MGAT4C: variants seen among roughly 807,000 people sequenced by gnomAD.
MGAT4C encodes MGAT4 family member C, also known as alpha-1,3-mannosyl-glycoprotein 4-beta-N-acetylglucosaminyltransferase C.
In MGAT4C, 19 loss-of-function variants were observed where a neutral mutation model predicts 40.1. The ratio of observed to expected loss-of-function variants is 0.47; its 90% CI spans 0.33 to 0.70. The LOEUF is 0.70. MGAT4C is among the 30% of genes least tolerant of loss of function. The probability of loss-of-function intolerance (pLI) is 0.02; values close to 1 mark genes in which losing one functional copy is unlikely to be tolerated. For missense variants in MGAT4C, 491 were observed against 563.2 expected (o/e 0.87, Z 1.30); for synonymous variants, 181 against 187.1 (o/e 0.97, Z 0.27).
At chr12:86,169,876 G>T (rs186757757) in intron 1 of MGAT4C, among the ~76,000 whole-genome samples, 228 of 152,298 alleles carry the variant, frequency 1.5e-3, no homozygotes, top group Admixed American at 4.4e-3. Flanking sequence ...GGAATGAAAA[G>T]TATATTAAAA....
At chr12:86,253,350 GAGAA>G (rs890097979) in intron 1 of MGAT4C, among the ~76,000 whole-genome samples, 1 of 151,746 alleles carries the variant, frequency 6.6e-6, no homozygotes, top group Non-Finnish European at 1.5e-5. Flanking sequence ...GAGAGAGAAA[GAGAA>G]AGAAAGAAAG....
chr12:86,776,599 G>A (rs10777001), intron 1 of MGAT4C, among the ~76,000 whole-genome samples: 48,658 of 151,798 alleles, frequency 0.32, 9,601 homozygotes, highest in Admixed American at 0.46. Context: ...GTATGGGCTG[G>A]TGGAGAATTC....
At chr12:86,489,522 C>A (rs551824677) in intron 2 of MGAT4C, among the ~76,000 whole-genome samples, 1 of 152,344 alleles carries the variant, frequency 6.6e-6, no homozygotes, top group African/African-American at 2.4e-5. Context: ...TGATAACACA[C>A]TGCTATCTGT....
rs923187942 is a variant in MGAT4C at position 85,971,435 on chromosome 12, T to C, written c.*7854A>G. 1 of 151,246 alleles carries C rather than the reference T, an allele frequency of 6.6e-6. No homozygotes were observed. The highest frequency in any genetic ancestry group is 2.4e-5 in the African/African-American group (1 of 41,358). 9.4% of individuals were successfully genotyped at this position (151,246 alleles called of 1,614,324 possible). A position where few individuals can be genotyped will look rare whatever the true frequency, so the allele number is the denominator to read the frequency against. On this transcript the variant is annotated 3_prime_UTR_variant, in exon 5 of 5. Coordinates refer to ENST00000611864, the MANE Select transcript of MGAT4C (RefSeq NM_001351288.2). ...ACTTGAAGGACACTTATATTTTGTA[T>C]CACTTTTGTAGCAAACACATGACTC...
chr12:86,530,591 C>T (rs577351860), intron 2 of MGAT4C, among the ~76,000 whole-genome samples: 21 of 152,080 alleles, frequency 1.4e-4, no homozygotes, highest in African/African-American at 4.1e-4. Flanking sequence ...CTAAGGTCTC[C>T]TACTTTTCCA....
At position 86,585,339 on chromosome 12, in the gene MGAT4C, AAT is replaced by A. The variant is rs1338340562; in HGVS notation, c.-229+141868_-229+141869del. Among the ~76,000 whole-genome samples the A allele has an allele frequency of 7.3e-5, 11 of 151,654 alleles. No individual in the cohort carries two copies. The East Asian group carries it at 2.1e-3, about 29-fold the overall frequency. ...CCTTTCAGAGTTAATGTAACAGTTT[AAT>A]TATTGTTTAATTATGTGTAATGCAT... is the stretch of plus-strand genomic sequence containing the variant. On this transcript the variant is annotated intron_variant, in intron 2 of 7. Transcript: ENST00000548651.
Position 85,978,303 on chromosome 12 carries a change from A to T in MGAT4C, c.*986T>A, listed in dbSNP as rs1047707755. On this transcript the variant is annotated 3_prime_UTR_variant, in exon 5 of 5. Coordinates refer to ENST00000611864, the MANE Select transcript of MGAT4C (RefSeq NM_001351288.2). ...GATCTCTCATTCTGGCCTTGCTAGGAAATAGATCTTTGATTCTAGAAAAGT... is the reference window on the plus strand; with the variant it reads ...GATCTCTCATTCTGGCCTTGCTAGGTAATAGATCTTTGATTCTAGAAAAGT... 4.6e-5 allele frequency: 7 copies of T among 151,618 alleles called. No individual in the cohort carries two copies. The highest frequency in any genetic ancestry group is 1.7e-4 in the African/African-American group (7 of 41,418). 9.4% of individuals were successfully genotyped at this position (151,618 alleles called of 1,614,324 possible). A position where few individuals can be genotyped will look rare whatever the true frequency, so the allele number is the denominator to read the frequency against.
At chr12:86,544,104 C>T (rs1324016534) in intron 2 of MGAT4C, among the ~76,000 whole-genome samples, 1 of 152,064 alleles carries the variant, frequency 6.6e-6, no homozygotes, top group Non-Finnish European at 1.5e-5. Flanking sequence ...GTCTCAGTGG[C>T]CAAACAAGTC....
At chr12:86,064,849 T>C (rs879319480) in intron 1 of MGAT4C, among the ~76,000 whole-genome samples, 2 of 151,826 alleles carry the variant, frequency 1.3e-5, no homozygotes, top group African/African-American at 2.4e-5. Context: ...AAGAATCAAA[T>C]AGATGCAATA....
chr12:86,497,655 C>T (rs182689462), intron 2 of MGAT4C, among the ~76,000 whole-genome samples: 32 of 151,450 alleles, frequency 2.1e-4, no homozygotes, highest in Non-Finnish European at 5.9e-5. Flanking sequence ...AACTTTATGG[C>T]GTTTCCAGGA....
chr12:86,828,697 G>T (rs2136233785), intron 1 of MGAT4C, among the ~76,000 whole-genome samples: 1 of 151,586 alleles, frequency 6.6e-6, no homozygotes, highest in East Asian at 1.9e-4. Context: ...ATTGGGCAAA[G>T]AAATGATGCT....
At chr12:86,749,084 G>A (rs1593171971) in intron 1 of MGAT4C, among the ~76,000 whole-genome samples, 1 of 151,116 alleles carries the variant, frequency 6.6e-6, no homozygotes, top group East Asian at 2.0e-4. Context: ...TCTTATTTCA[G>A]CAATTATCTT....
intron 2 of MGAT4C, among the ~76,000 whole-genome samples, chr12:86,692,984 G>C (rs193263305): frequency 6.6e-6 from 1 of 152,282 alleles, no homozygotes; most frequent in East Asian, 1.9e-4. Flanking sequence ...TGTAACTAGA[G>C]TGGCCTGACG....
At chr12:86,258,284 A>AATCTATCTATCTATCT (rs10534958), upstream of MGAT4C, among the ~76,000 whole-genome samples, 5 of 146,658 alleles carry the variant, frequency 3.4e-5, no homozygotes, top group Non-Finnish European at 4.5e-5. Context: ...AACAGGATAT[A>AATCTATCTATCTATCT]ATCTATCTAT....
intron 4 of MGAT4C, among the ~76,000 whole-genome samples, chr12:86,265,959 G>C (rs1258316361): frequency 6.6e-6 from 1 of 152,170 alleles, no homozygotes; most frequent in African/African-American, 2.4e-5. Flanking sequence ...CTGGTCCATA[G>C]AAACACTACT....
chr12:86,087,029 T>C, intron 1 of MGAT4C, among the ~76,000 whole-genome samples: 1 of 152,136 alleles, frequency 6.6e-6, no homozygotes. Flanking sequence ...TGAATAATAT[T>C]TTATTGTGTA....
At chr12:86,621,167 TA>T (rs1962623558) in intron 2 of MGAT4C, among the ~76,000 whole-genome samples, 1 of 151,716 alleles carries the variant, frequency 6.6e-6, no homozygotes, top group Non-Finnish European at 1.5e-5. Context: ...ATTTGTGAAA[TA>T]AAAAAATAGT....
intron 1 of MGAT4C, among the ~76,000 whole-genome samples, chr12:86,113,239 T>C (rs1877769089): frequency 6.6e-6 from 1 of 151,840 alleles, no homozygotes; most frequent in Non-Finnish European, 1.5e-5. Flanking sequence ...TATAAATCCA[T>C]AGCAGTTTTT....
At chr12:86,084,598 TC>T (rs1871397820) in intron 1 of MGAT4C, among the ~76,000 whole-genome samples, 1 of 151,926 alleles carries the variant, frequency 6.6e-6, no homozygotes, top group Admixed American at 6.6e-5. Flanking sequence ...GTTAATTGTC[TC>T]CCCACCTATA....
Sources: gnomAD v4.1 joint callset for allele counts (sites outside exome capture counted in the v4.1 genomes callset) on GRCh38, gnomAD v4.1.1 for gene constraint, MANE v1.5 for transcripts, NCBI Gene and HGNC (gene_info 2026-07-23, HGNC 2026-07-21) for gene names.